The following PRELID2 variants were observed in gnomAD, a reference collection of about 807,000 sequenced individuals.
The protein encoded by PRELID2 is PRELI domain containing 2.
Under a neutral mutation model 28.4 loss-of-function variants are expected in PRELID2, and 25 were observed. That is an observed-to-expected ratio of 0.88 (90% CI 0.64 to 1.23). The LOEUF (loss-of-function observed/expected upper bound fraction) is 1.23. PRELID2 is among the 50% of genes most tolerant of loss of function. The probability of loss-of-function intolerance (pLI) is 0.00; values close to 1 mark genes in which losing one functional copy is unlikely to be tolerated. For missense variants in PRELID2, 201 were observed against 214.4 expected (o/e 0.94, Z 0.39); for synonymous variants, 76 against 71.6 (o/e 1.06, Z -0.31).
At chr5:145,625,092 G>A (rs926257579) in intron 1 of PRELID2, among the ~76,000 whole-genome samples, 2 of 152,060 alleles carry the variant, frequency 1.3e-5, no homozygotes, top group Non-Finnish European at 1.5e-5. Context: ...TGGCTAATAC[G>A]TAAGGATCTC....
chr5:145,743,668 G>A (rs189257525), intron 1 of PRELID2, among the ~76,000 whole-genome samples: 9 of 152,214 alleles, frequency 5.9e-5, no homozygotes, highest in South Asian at 2.1e-4. Context: ...CTTTTTCCAC[G>A]AAACTGTGCA....
chr5:145,310,739 T>C, the PRELID2 span, among the ~76,000 whole-genome samples: 1 of 152,226 alleles, frequency 6.6e-6, no homozygotes, highest in Non-Finnish European at 1.5e-5. Flanking sequence ...ACAGTAGTTA[T>C]TTCAAAATGC....
chr5:145,488,143 G>T (rs1188944973), intron 1 of PRELID2, among the ~76,000 whole-genome samples: 1 of 128,974 alleles, frequency 7.8e-6, no homozygotes, highest in Non-Finnish European at 1.7e-5. Context: ...AAAAAAAAAG[G>T]AATTGGAAAA....
intron 1 of PRELID2, among the ~76,000 whole-genome samples, chr5:145,534,718 C>A (rs1752684852): frequency 1.3e-5 from 2 of 151,738 alleles, no homozygotes; most frequent in African/African-American, 4.8e-5. Flanking sequence ...ATGTTGGTTT[C>A]TTTTTTTTCT....
intron 1 of PRELID2, among the ~76,000 whole-genome samples, chr5:145,652,065 T>G (rs750128883): frequency 4.1e-4 from 62 of 152,286 alleles, no homozygotes; most frequent in Non-Finnish European, 7.3e-4. Context: ...TTAAAAGACC[T>G]GATGGAGCTG....
At chr5:145,517,524 C>T (rs141408548) in intron 1 of PRELID2, among the ~76,000 whole-genome samples, 78 of 152,132 alleles carry the variant, frequency 5.1e-4, no homozygotes, top group African/African-American at 1.6e-3. Context: ...TATATAGGAA[C>T]AATTTTACAC....
At chr5:145,584,858 G>A (rs116021505) in intron 1 of PRELID2, among the ~76,000 whole-genome samples, 10,908 of 152,132 alleles carry the variant, frequency 0.072, 589 homozygotes, top group Admixed American at 0.18. Context: ...TAGTTCAACC[G>A]TGGTAGAAGA....
At chr5:145,611,417 G>A (rs927594519) in intron 1 of PRELID2, among the ~76,000 whole-genome samples, 1 of 152,070 alleles carries the variant, frequency 6.6e-6, no homozygotes, top group Non-Finnish European at 1.5e-5. Context: ...AACTGCCTTG[G>A]CCTCCCAAAG....
intron 1 of PRELID2, among the ~76,000 whole-genome samples, chr5:145,591,197 G>A (rs1753221790): frequency 6.6e-6 from 1 of 151,894 alleles, no homozygotes; most frequent in Non-Finnish European, 1.5e-5. Context: ...TCAAGAGACT[G>A]AGGTAGGAGG....
the PRELID2 span, among the ~76,000 whole-genome samples, chr5:145,243,902 T>A: frequency 7.2e-5 from 11 of 152,110 alleles, no homozygotes; most frequent in African/African-American, 2.4e-4. Context: ...CTGTCATATT[T>A]ACTTCCTCAG....
chr5:145,335,218 G>C, the PRELID2 span, among the ~76,000 whole-genome samples: 1 of 151,720 alleles, frequency 6.6e-6, no homozygotes, highest in Admixed American at 6.6e-5. Context: ...TGAGTTAACA[G>C]ATTCTTTCTT....
intron 1 of PRELID2, among the ~76,000 whole-genome samples, chr5:145,626,797 G>T (rs1753851764): frequency 6.6e-6 from 1 of 152,012 alleles, no homozygotes; most frequent in South Asian, 2.1e-4. Flanking sequence ...CAGATGAATG[G>T]ATTTAAAATG....
chr5:145,541,509 T>C (rs1027784898), intron 1 of PRELID2, among the ~76,000 whole-genome samples: 3 of 152,050 alleles, frequency 2.0e-5, no homozygotes, highest in African/African-American at 7.2e-5. Flanking sequence ...CATTACACAA[T>C]CCTTGCTTCT....
the PRELID2 span, among the ~76,000 whole-genome samples, chr5:145,320,175 A>C: frequency 1.3e-5 from 2 of 152,344 alleles, no homozygotes; most frequent in South Asian, 4.1e-4. Context: ...TTGTACTTTT[A>C]GTCAGGGAAT....
chr5:145,564,045 T>C (rs1752945491), intron 1 of PRELID2, among the ~76,000 whole-genome samples: 1 of 152,216 alleles, frequency 6.6e-6, no homozygotes, highest in Admixed American at 6.5e-5. Context: ...ATATAAGCAA[T>C]TTTTAGTTAA....
chr5:145,653,106 C>A (rs1754327759), intron 1 of PRELID2, among the ~76,000 whole-genome samples: 1 of 152,160 alleles, frequency 6.6e-6, no homozygotes, highest in Non-Finnish European at 1.5e-5. Flanking sequence ...CAATCCTAGT[C>A]TCTGATAAAA....
At chr5:145,580,633 G>T (rs1289703073) in intron 1 of PRELID2, among the ~76,000 whole-genome samples, 2 of 152,000 alleles carry the variant, frequency 1.3e-5, no homozygotes, top group African/African-American at 4.8e-5. Context: ...GTTGAAAACA[G>T]CTAAGCCTTA....
the PRELID2 span, among the ~76,000 whole-genome samples, chr5:145,364,275 A>C: frequency 3.9e-5 from 6 of 151,968 alleles, no homozygotes; most frequent in Admixed American, 3.9e-4. Context: ...CCGGATTCTG[A>C]TGAAAATTTG....
intron 1 of PRELID2, among the ~76,000 whole-genome samples, chr5:145,573,655 C>A (rs951261418): frequency 4.6e-5 from 7 of 152,112 alleles, no homozygotes; most frequent in Admixed American, 2.6e-4. Flanking sequence ...CAGCTTCATC[C>A]ATGTCCCTGC....
Sources: gnomAD v4.1 joint callset for allele counts (sites outside exome capture counted in the v4.1 genomes callset) on GRCh38, gnomAD v4.1.1 for gene constraint, MANE v1.5 for transcripts, NCBI Gene and HGNC (gene_info 2026-07-23, HGNC 2026-07-21) for gene names.